The following NCKAP5 variants were observed in gnomAD, a reference collection of about 807,000 sequenced individuals.
NCKAP5 encodes nck-associated protein 5.
NCKAP5 carries 92 observed loss-of-function variants against 167.0 expected under a neutral mutation model. The ratio of observed to expected loss-of-function variants is 0.55; its 90% CI spans 0.47 to 0.66. The LOEUF (loss-of-function observed/expected upper bound fraction) is 0.66, where lower values mean the gene tolerates loss of function less well. NCKAP5 is among the 30% of genes least tolerant of loss of function. NCKAP5 has a pLI of 0.00. For synonymous variants in NCKAP5, 891 were observed against 877.4 expected, an observed-to-expected ratio of 1.02 and a Z score of -0.27; for missense variants, 2,378 against 2,315.0, an observed-to-expected ratio of 1.03 and a Z score of -0.56.
intron 4 of NCKAP5, among the ~76,000 whole-genome samples, chr2:133,270,127 C>G (rs1028872293): frequency 2.0e-5 from 3 of 152,068 alleles, no homozygotes; most frequent in African/African-American, 7.2e-5. Context: ...CCTGACTTTT[C>G]GTAAGTGCCA....
At chr2:133,331,060 GT>G (rs1399323527) in intron 3 of NCKAP5, among the ~76,000 whole-genome samples, 6 of 152,120 alleles carry the variant, frequency 3.9e-5, no homozygotes, top group Non-Finnish European at 8.8e-5. Flanking sequence ...GCAAAAGTAT[GT>G]GTGTGTGTAT....
chr2:133,155,277 T>A lies in NCKAP5; in HGVS notation c.208-25166A>T, dbSNP rs533549666. Among the ~76,000 whole-genome samples, 3 of 152,256 alleles carry A rather than the reference T, an allele frequency of 2.0e-5. No individual in the cohort carries two copies. In the South Asian group the frequency reaches 6.2e-4, roughly 32 times the overall value. On this transcript the variant is annotated intron_variant, in intron 5 of 19. Transcript: ENST00000409261. ...AGTTTTATTCACCTGACTCAATGATTCCTAAACTTTAGAGTACATCAAAAT... is the reference window on the plus strand; with the variant it reads ...AGTTTTATTCACCTGACTCAATGATACCTAAACTTTAGAGTACATCAAAAT...
At chr2:132,849,455 T>C (rs1688915182) in intron 11 of NCKAP5, among the ~76,000 whole-genome samples, 1 of 151,994 alleles carries the variant, frequency 6.6e-6, no homozygotes, top group African/African-American at 2.4e-5. Context: ...TAATAGAAAA[T>C]AGAAACTGAT....
the NCKAP5 span, among the ~76,000 whole-genome samples, chr2:133,624,205 C>A: frequency 2.6e-5 from 4 of 152,000 alleles, no homozygotes; most frequent in Non-Finnish European, 5.9e-5. Flanking sequence ...GATGGGCGCA[C>A]CAAAATCTTA....
chr2:132,888,556 A>C (rs1373176535), intron 8 of NCKAP5, among the ~76,000 whole-genome samples: 1 of 151,944 alleles, frequency 6.6e-6, no homozygotes, highest in Non-Finnish European at 1.5e-5. Context: ...TGCCCAGCTC[A>C]TTTTTGTATT....
At chr2:132,997,458 T>C (rs1041026290) in intron 6 of NCKAP5, among the ~76,000 whole-genome samples, 5 of 152,214 alleles carry the variant, frequency 3.3e-5, no homozygotes, top group Admixed American at 2.6e-4. Context: ...TACTTTTAAC[T>C]TGACAAAGAA....
intron 4 of NCKAP5, among the ~76,000 whole-genome samples, chr2:133,248,929 T>C (rs574512290): frequency 1.4e-4 from 22 of 152,350 alleles, no homozygotes; most frequent in Non-Finnish European, 2.6e-4. Context: ...CAGTTTTAAA[T>C]TGGCAGTATC....
At chr2:132,942,703 C>A (rs1207449149) in intron 8 of NCKAP5, among the ~76,000 whole-genome samples, 1 of 152,262 alleles carries the variant, frequency 6.6e-6, no homozygotes, top group African/African-American at 2.4e-5. Flanking sequence ...ATCCAATCAA[C>A]CTTAATTTCC....
intron 6 of NCKAP5, among the ~76,000 whole-genome samples, chr2:133,078,105 G>C (rs1041076901): frequency 1.3e-5 from 2 of 152,178 alleles, no homozygotes; most frequent in Non-Finnish European, 2.9e-5. Context: ...TCCCAGACTA[G>C]GGAGAGTGCT....
chr2:133,130,224 A>G, intron 5 of NCKAP5, 113 bp from the exon 6 acceptor site: 1 of 1,196,560 alleles, frequency 8.4e-7, no homozygotes, highest in South Asian at 1.6e-5. Context: ...TCATCCTTTG[A>G]ACAACCCCAC....
the NCKAP5 span, among the ~76,000 whole-genome samples, chr2:133,584,632 C>T: frequency 6.6e-6 from 1 of 152,094 alleles, no homozygotes; most frequent in African/African-American, 2.4e-5. Context: ...GGCATGGTGG[C>T]ATACATCTGT....
chr2:132,795,152 C>G (rs1439586896), intron 12 of NCKAP5, among the ~76,000 whole-genome samples: 1 of 152,098 alleles, frequency 6.6e-6, no homozygotes, highest in African/African-American at 2.4e-5. Flanking sequence ...AATACCTTGC[C>G]CAAGTTGCCC....
chr2:133,337,431 C>T (rs1683286918), intron 3 of NCKAP5, among the ~76,000 whole-genome samples: 1 of 152,194 alleles, frequency 6.6e-6, no homozygotes, highest in Non-Finnish European at 1.5e-5. Flanking sequence ...TCTAATCAGA[C>T]TGACATAGAA....
chr2:132,923,687 A>G (rs964424607), intron 8 of NCKAP5, among the ~76,000 whole-genome samples: 5 of 152,204 alleles, frequency 3.3e-5, no homozygotes, highest in Non-Finnish European at 7.3e-5. Flanking sequence ...AATGAAAATA[A>G]AAGGACAGTT....
intron 8 of NCKAP5, among the ~76,000 whole-genome samples, chr2:132,962,651 C>T (rs866116289): frequency 4.2e-4 from 64 of 152,128 alleles, no homozygotes; most frequent in Middle Eastern, 3.4e-3. Flanking sequence ...AGTGCAGTGG[C>T]GCAATCTTGG....
intron 10 of NCKAP5, 92 bp from the exon 11 acceptor site, chr2:132,860,703 T>G: frequency 7.2e-7 from 1 of 1,391,328 alleles, no homozygotes; most frequent in Non-Finnish European, 9.6e-7. Context: ...AGATCATTAG[T>G]AAAAAACGGT....
chr2:133,667,868 G>T, the NCKAP5 span, among the ~76,000 whole-genome samples: 1 of 151,850 alleles, frequency 6.6e-6, no homozygotes, highest in South Asian at 2.1e-4. Flanking sequence ...TGTACTATCA[G>T]CACCACTATC....
At position 133,176,958 on chromosome 2, in the gene NCKAP5, T is replaced by C. The variant is rs532664580; in HGVS notation, c.207+36758A>G. 8.1e-4 allele frequency among the ~76,000 whole-genome samples: 124 copies of C among 152,238 alleles called. 1 individual carries two copies. Among genetic ancestry groups the C allele is most frequent in the Non-Finnish European group, 1.6e-3 (106 of 68,008 alleles). Reference sequence around the variant, plus strand: ...GAATATTCTATAATTAATCCCTCTTTAAGCTAAAAATGTGTTATTACATAA... The same window carrying C: ...GAATATTCTATAATTAATCCCTCTTCAAGCTAAAAATGTGTTATTACATAA... On this transcript the variant is annotated intron_variant, in intron 5 of 19. Transcript: ENST00000409261.
At chr2:132,809,861 A>AT (rs1685725660) in intron 11 of NCKAP5, among the ~76,000 whole-genome samples, 1 of 151,756 alleles carries the variant, frequency 6.6e-6, no homozygotes, top group Admixed American at 6.6e-5. Flanking sequence ...TTTAACTTGT[A>AT]TTTTTGTGTT....
Sources: gnomAD v4.1 joint callset for allele counts (sites outside exome capture counted in the v4.1 genomes callset) on GRCh38, gnomAD v4.1.1 for gene constraint, MANE v1.5 for transcripts, NCBI Gene and HGNC (gene_info 2026-07-23, HGNC 2026-07-21) for gene names.